ARNT2: variants seen among roughly 807,000 people sequenced by gnomAD.
ARNT2 encodes ARNT protein 2.
A neutral mutation model predicts 91.7 loss-of-function variants in ARNT2; 36 were observed. That is an observed-to-expected ratio of 0.39 (90% CI 0.30 to 0.52). The LOEUF (loss-of-function observed/expected upper bound fraction) is 0.52, where lower values mean the gene tolerates loss of function less well. Among genes scored for constraint, ARNT2 ranks in the 20% least tolerant of loss-of-function variants. ARNT2 has a pLI of 0.72. For missense variants in ARNT2, 775 were observed against 939.3 expected (o/e 0.83, Z 2.29); for synonymous variants, 365 against 347.1 (o/e 1.05, Z -0.57).
At chr15:80,572,957 A>G (rs541715963) in intron 12 of ARNT2, among the ~76,000 whole-genome samples, 10 of 152,358 alleles carry the variant, frequency 6.6e-5, no homozygotes, top group Admixed American at 2.0e-4. Flanking sequence ...GTCACTCCTG[A>G]TTACAGCCAA....
intron 7 of ARNT2, 87 bp from the exon 8 acceptor site, chr15:80,514,233 C>T: frequency 7.3e-7 from 1 of 1,368,932 alleles, no homozygotes; most frequent in South Asian, 1.2e-5. Context: ...GACAAGGGAA[C>T]CCAGTAGCTT....
At chr15:80,457,563 C>T (rs1896498603) in intron 2 of ARNT2, among the ~76,000 whole-genome samples, 1 of 152,182 alleles carries the variant, frequency 6.6e-6, no homozygotes, top group Non-Finnish European at 1.5e-5. Context: ...CAGAGGGGTG[C>T]AGGTATTCCC....
In ARNT2 at chr15:80,475,228, G is replaced by C. The variant is rs1357421672; in HGVS notation, c.622+5G>C. The C allele has an allele frequency of 6.2e-7, 1 of 1,613,752 alleles. No homozygotes were observed. The highest frequency in any genetic ancestry group is 8.5e-7 in the Non-Finnish European group (1 of 1,179,978). On this transcript the variant is annotated splice_donor_5th_base_variant and intron_variant, in intron 5 of 18. Transcript: ENST00000303329. ...CCTCAGAAAACTCAATGACAGGTCA[G>C]TGGAGCTCCCTTTATGAGGCTGTTT...
intron 8 of ARNT2, among the ~76,000 whole-genome samples, chr15:80,530,953 C>T (rs373683387): frequency 1.3e-5 from 2 of 152,198 alleles, no homozygotes; most frequent in Non-Finnish European, 2.9e-5. Context: ...TTCTCTTAGA[C>T]TTCTACAGTG....
At chr15:80,427,890 A>G (rs1163617333) in intron 1 of ARNT2, among the ~76,000 whole-genome samples, 2 of 152,214 alleles carry the variant, frequency 1.3e-5, no homozygotes, top group Admixed American at 6.5e-5. Context: ...GTGTCATCAG[A>G]GGGAATACCA....
At chr15:80,514,435 G>C (rs144175460) in intron 8 of ARNT2, 30 bp downstream of exon 8, 1 of 1,599,172 alleles carries the variant, frequency 6.3e-7, no homozygotes, top group African/African-American at 1.3e-5. Flanking sequence ...AATTCCACGG[G>C]AACTGGGTGC....
chr15:80,536,228 C>A (rs997191491), intron 8 of ARNT2, among the ~76,000 whole-genome samples: 2 of 152,212 alleles, frequency 1.3e-5, no homozygotes, highest in Non-Finnish European at 2.9e-5. Flanking sequence ...TCCTGTGAGA[C>A]AGGGGTGCCC....
chr15:80,458,248 A>G (rs1896506610), intron 3 of ARNT2, among the ~76,000 whole-genome samples: 1 of 152,160 alleles, frequency 6.6e-6, no homozygotes, highest in Non-Finnish European at 1.5e-5. Context: ...TCATTTTAAA[A>G]AGACAATAGG....
At chr15:80,536,930 C>G (rs1174487343) in intron 8 of ARNT2, among the ~76,000 whole-genome samples, 2 of 152,120 alleles carry the variant, frequency 1.3e-5, no homozygotes, top group Admixed American at 1.3e-4. Context: ...GAGCCTCTGC[C>G]CTGACCTGAC....
intron 5 of ARNT2, among the ~76,000 whole-genome samples, chr15:80,484,356 TTG>T (rs1409664158): frequency 6.6e-6 from 1 of 152,138 alleles, no homozygotes; most frequent in East Asian, 1.9e-4. Context: ...AACAAAGCAT[TTG>T]GGGGTAAGTT....
At chr15:80,564,720 C>T (rs896024392) in intron 12 of ARNT2, among the ~76,000 whole-genome samples, 2 of 103,358 alleles carry the variant, frequency 1.9e-5, no homozygotes, top group Non-Finnish European at 3.5e-5. Flanking sequence ...GTCTATTGTT[C>T]CCATCTTTAT....
chr15:80,515,870 CTT>C (rs984547948), intron 8 of ARNT2, among the ~76,000 whole-genome samples: 11 of 129,898 alleles, frequency 8.5e-5, no homozygotes, highest in Middle Eastern at 3.9e-3. Flanking sequence ...ATGAAGTATT[CTT>C]TTTTTTTTTT....
intron 8 of ARNT2, among the ~76,000 whole-genome samples, chr15:80,540,469 T>C (rs1200293077): frequency 6.6e-6 from 1 of 152,214 alleles, no homozygotes; most frequent in African/African-American, 2.4e-5. Context: ...GGAGTAATAT[T>C]CAGATCCTTT....
At chr15:80,475,925 T>A (rs1280524114) in intron 5 of ARNT2, among the ~76,000 whole-genome samples, 1 of 152,218 alleles carries the variant, frequency 6.6e-6, no homozygotes, top group Middle Eastern at 3.2e-3. Context: ...TACTCATACA[T>A]GTTTCTAAAA....
At chr15:80,424,945 G>T (rs903263545) in intron 1 of ARNT2, among the ~76,000 whole-genome samples, 1 of 152,194 alleles carries the variant, frequency 6.6e-6, no homozygotes, top group African/African-American at 2.4e-5. Context: ...CCAGTTCCTT[G>T]TGCAAAATAA....
intron 1 of ARNT2, among the ~76,000 whole-genome samples, chr15:80,424,789 A>AG (rs1567176151): frequency 1.3e-5 from 2 of 151,602 alleles, no homozygotes; most frequent in East Asian, 1.9e-4. Context: ...AAAAAAAAAA[A>AG]TAGGTAAACA....
intron 6 of ARNT2, among the ~76,000 whole-genome samples, chr15:80,508,790 T>G (rs1222308123): frequency 6.6e-6 from 1 of 152,248 alleles, no homozygotes; most frequent in Non-Finnish European, 1.5e-5. Context: ...TAGCAGAGTC[T>G]TCTACATATA....
chr15:80,481,282 A>C (rs575969008), intron 5 of ARNT2, among the ~76,000 whole-genome samples: 1 of 152,364 alleles, frequency 6.6e-6, no homozygotes, highest in East Asian at 1.9e-4. Flanking sequence ...CCAGCTCTGC[A>C]GCTCTGCTCA....
chr15:80,418,352 A>T (rs1375633329), intron 1 of ARNT2, among the ~76,000 whole-genome samples: 1 of 152,118 alleles, frequency 6.6e-6, no homozygotes, highest in Non-Finnish European at 1.5e-5. Context: ...GGGAAGAAGG[A>T]CAGTGGTGAC....
Sources: gnomAD v4.1 joint callset for allele counts (sites outside exome capture counted in the v4.1 genomes callset) on GRCh38, gnomAD v4.1.1 for gene constraint, MANE v1.5 for transcripts, NCBI Gene and HGNC (gene_info 2026-07-23, HGNC 2026-07-21) for gene names.